The following CCNYL1 variants were observed in gnomAD, a reference collection of about 807,000 sequenced individuals.
CCNYL1 encodes the protein cyclin-Y-like protein 1.
In CCNYL1, 16 loss-of-function variants were observed where a neutral mutation model predicts 44.2. That is an observed-to-expected ratio of 0.36 (90% CI 0.25 to 0.55). The LOEUF (loss-of-function observed/expected upper bound fraction) is 0.55, where lower values mean the gene tolerates loss of function less well. Ranked by LOEUF, CCNYL1 falls within the 20% of genes least tolerant of loss-of-function variation. CCNYL1 has a pLI of 0.85. For synonymous variants in CCNYL1, 159 were observed against 163.2 expected, an observed-to-expected ratio of 0.97 and a Z score of 0.20; for missense variants, 348 against 451.8, an observed-to-expected ratio of 0.77 and a Z score of 2.08.
chr2:207,727,847 A>G (rs2091692237), intron 3 of CCNYL1, among the ~76,000 whole-genome samples: 1 of 151,796 alleles, frequency 6.6e-6, no homozygotes, highest in Non-Finnish European at 1.5e-5. Context: ...GTTTCCCTCT[A>G]TCTTGTTATC....
intron 5 of CCNYL1, among the ~76,000 whole-genome samples, chr2:207,738,046 A>G (rs1217285168): frequency 3.3e-5 from 5 of 152,042 alleles, no homozygotes; most frequent in Admixed American, 2.0e-4. Flanking sequence ...TTTTAGATAC[A>G]GTGAGTACAT....
chr2:207,716,146 G>C (rs184019278), intron 1 of CCNYL1, among the ~76,000 whole-genome samples: 3 of 152,184 alleles, frequency 2.0e-5, no homozygotes, highest in Admixed American at 6.5e-5. Flanking sequence ...TAGTACTCTT[G>C]ACTTTTCATG....
At chr2:207,734,977 G>A (rs1407992735) in intron 4 of CCNYL1, among the ~76,000 whole-genome samples, 1 of 152,124 alleles carries the variant, frequency 6.6e-6, no homozygotes, top group Non-Finnish European at 1.5e-5. Context: ...TTCAGCCAAG[G>A]TCCTAAATCC....
rs563107571 is a variant in CCNYL1 at position 207,754,526 on chromosome 2, T to G, written c.*828T>G. The G allele has an allele frequency of 6.5e-6, 1 of 152,782 alleles. No homozygotes were observed. The highest frequency in any genetic ancestry group is 1.5e-5 in the Non-Finnish European group (1 of 68,040). The allele number at this position is 152,782 out of a possible 1,614,324, so 9.5% of individuals were successfully genotyped here. On this transcript the variant is annotated 3_prime_UTR_variant, in exon 10 of 10. Transcript: ENST00000295414. ...ACGATGAGAAAAAGTGAAGCAGTTTTAAGCTTGAATATAGTTTGGGCCCTC... is the reference window on the plus strand; with the variant it reads ...ACGATGAGAAAAAGTGAAGCAGTTTGAAGCTTGAATATAGTTTGGGCCCTC...
chr2:207,732,522 A>T (rs1228129290), intron 3 of CCNYL1, among the ~76,000 whole-genome samples: 6 of 152,182 alleles, frequency 3.9e-5, no homozygotes, highest in Non-Finnish European at 8.8e-5. Context: ...TGTGTGGGAT[A>T]CTGATGGGAG....
At chr2:207,722,073 AT>A (rs397987558) in intron 1 of CCNYL1, among the ~76,000 whole-genome samples, 3,129 of 119,354 alleles carry the variant, frequency 0.026, 42 homozygotes, top group Middle Eastern at 0.034. Flanking sequence ...GTTGCCTTGG[AT>A]TTTTTTTTTT....
In CCNYL1 at chr2:207,720,408, T is replaced by C. The variant is rs569204532; in HGVS notation, c.221-4392T>C. On this transcript the variant is annotated intron_variant, in intron 1 of 9. Coordinates refer to ENST00000295414, the MANE Select transcript of CCNYL1 (RefSeq NM_001330218.2). ...GTAACCCAGACTTTTTTTTTTTTTT[T>C]CTTTTCTCTGTATGAGACAGGGTCA... Among the ~76,000 whole-genome samples, 40 of 151,328 alleles carry C rather than the reference T, an allele frequency of 2.6e-4. No homozygotes were observed. The East Asian group carries it at 7.5e-3, about 29-fold the overall frequency.
intron 3 of CCNYL1, among the ~76,000 whole-genome samples, chr2:207,730,469 C>T (rs548207265): frequency 6.6e-6 from 1 of 152,296 alleles, no homozygotes; most frequent in East Asian, 1.9e-4. Context: ...TAAAAGTCAT[C>T]TGCTGTGGCC....
chr2:207,725,409 G>A (rs1159274335), intron 2 of CCNYL1, among the ~76,000 whole-genome samples: 4 of 152,202 alleles, frequency 2.6e-5, no homozygotes, highest in South Asian at 4.1e-4. Context: ...ACAGGCGTGA[G>A]CCATCTGGCC....
At chr2:207,724,099 C>A (rs988477458) in intron 1 of CCNYL1, among the ~76,000 whole-genome samples, 2 of 152,014 alleles carry the variant, frequency 1.3e-5, no homozygotes, top group Non-Finnish European at 2.9e-5. Context: ...TTAGAAACAG[C>A]CCTAAGATCT....
At chr2:207,728,960 C>T (rs1473287080) in intron 3 of CCNYL1, among the ~76,000 whole-genome samples, 2 of 152,172 alleles carry the variant, frequency 1.3e-5, no homozygotes, top group African/African-American at 4.8e-5. Flanking sequence ...CCAAGCCTGA[C>T]TAATTTTTTT....
intron 5 of CCNYL1, 51 bp downstream of exon 5, chr2:207,737,497 A>T (rs1420957663): frequency 6.9e-7 from 1 of 1,453,318 alleles, no homozygotes; most frequent in Admixed American, 1.7e-5. Context: ...ACTTTGCATG[A>T]TATCAAGTTC....
chr2:207,742,752 C>T (rs559177838), intron 7 of CCNYL1, among the ~76,000 whole-genome samples: 15 of 152,222 alleles, frequency 9.9e-5, no homozygotes, highest in East Asian at 3.9e-4. Flanking sequence ...CAGGTATTTC[C>T]GATATGTGTG....
Position 207,753,615 on chromosome 2 carries a change from G to C in CCNYL1, c.997G>C (p.Asp333His). 6.2e-7 allele frequency: 1 copy of C among 1,613,342 alleles called. No individual in the cohort carries two copies. The highest frequency in any genetic ancestry group is 8.5e-7 in the Non-Finnish European group (1 of 1,179,382). ...EAISRLCEDK[D>H]LCRAAMRRSF... ...TATTTCTAGATTGTGTGAAGACAAA[G>C]ACTTGTGTAGAGCCGCTATGAGAAG... Residue 333 changes from aspartate (D) to histidine (H), a missense_variant, in exon 10 of 10, where the codon GAC becomes CAC. Physicochemically the swap from Asp to His is moderately conservative, Grantham distance 81. This residue lies in a region of CCNYL1 where 94 missense variants were observed against 102.4 expected (regional missense o/e 0.92). Coordinates refer to ENST00000295414, the MANE Select transcript of CCNYL1 (RefSeq NM_001330218.2).
intron 1 of CCNYL1, among the ~76,000 whole-genome samples, chr2:207,720,434 C>T (rs1575209674): frequency 6.7e-6 from 1 of 149,188 alleles, no homozygotes; most frequent in African/African-American, 2.5e-5. Flanking sequence ...GACAGGGTCA[C>T]AACTCTGCCT....
At chr2:207,745,655 G>A (rs1366107090) in intron 7 of CCNYL1, among the ~76,000 whole-genome samples, 1 of 152,146 alleles carries the variant, frequency 6.6e-6, no homozygotes, top group Non-Finnish European at 1.5e-5. Flanking sequence ...CTGTTAAAAT[G>A]AACTTTTTTC....
intron 7 of CCNYL1, among the ~76,000 whole-genome samples, 192 bp from the exon 8 acceptor site, chr2:207,746,855 A>C (rs954260572): frequency 9.9e-5 from 15 of 152,158 alleles, no homozygotes; most frequent in Admixed American, 3.3e-4. Context: ...GCATGCCTGT[A>C]ATCCCACCTA....
Position 207,753,768 on chromosome 2 carries a change from T to A in CCNYL1, c.*70T>A. The A allele has an allele frequency of 1.0e-6, 1 of 993,384 alleles. No homozygotes were observed. Among genetic ancestry groups the A allele is most frequent in the Non-Finnish European group, 1.5e-6 (1 of 650,240 alleles). 61.5% of individuals were successfully genotyped at this position (993,384 alleles called of 1,614,324 possible). On this transcript the variant is annotated 3_prime_UTR_variant, in exon 10 of 10. Coordinates refer to ENST00000295414, the MANE Select transcript of CCNYL1 (RefSeq NM_001330218.2). The stretch of plus-strand genomic sequence containing the variant: ...AAGACTGGAGAAATACCACCTTTCC[T>A]GCTCAAAAACCAGCAAAATTAGTGT...
At position 207,711,994 on chromosome 2, in the gene CCNYL1, A is replaced by T; in HGVS notation, c.98A>T (p.Tyr33Phe). The T allele has an allele frequency of 9.6e-6, 14 of 1,465,024 alleles. No individual in the cohort carries two copies. Among genetic ancestry groups the T allele is most frequent in the African/African-American group, 2.9e-5 (2 of 68,332 alleles). The allele number at this position is 1,465,024 out of a possible 1,614,324, so 90.8% of individuals were successfully genotyped here. A position where few individuals can be genotyped will look rare whatever the true frequency, so the allele number is the denominator to read the frequency against. ...SAELYCASDI[Y>F]EAVSGDAVAV... ...GAGCTGTACTGCGCGTCCGACATCTACGAGGCGGTGTCCGGGGACGCGGTG... is the reference window on the plus strand; with the variant it reads ...GAGCTGTACTGCGCGTCCGACATCTTCGAGGCGGTGTCCGGGGACGCGGTG... Residue 33 changes from tyrosine to phenylalanine, a missense_variant, in exon 1 of 10, where the codon TAC becomes TTC. By Grantham distance (22) the Tyr-to-Phe change is conservative. Coordinates refer to ENST00000295414, the MANE Select transcript of CCNYL1 (RefSeq NM_001330218.2).
Sources: gnomAD v4.1 joint callset for allele counts (sites outside exome capture counted in the v4.1 genomes callset) on GRCh38, gnomAD v4.1.1 for gene constraint, gnomAD v4.1.1 regional missense constraint, MANE v1.5 for transcripts, NCBI Gene and HGNC (gene_info 2026-07-23, HGNC 2026-07-21) for gene names.